TAF1: variants seen among roughly 807,000 people sequenced by gnomAD.
TAF1 encodes the protein transcription initiation factor TFIID subunit 1.
Under a neutral mutation model 138.5 loss-of-function variants are expected in TAF1, and 2 were observed. The ratio of observed to expected loss-of-function variants is 0.01; its 90% CI spans 0.01 to 0.05. TAF1 has a LOEUF of 0.05. Among genes scored for constraint, TAF1 ranks in the 10% least tolerant of loss-of-function variants. TAF1 has a pLI of 1.00. For missense variants in TAF1, 709 were observed against 1,478.0 expected (o/e 0.48, Z 8.53); for synonymous variants, 437 against 503.2 (o/e 0.87, Z 1.76).
At chrX:71,467,503 TATC>T (rs962299641), downstream of TAF1, among the ~76,000 whole-genome samples, 3 of 112,163 alleles carry the variant, frequency 2.7e-5, no homozygotes, top group African/African-American at 9.7e-5. Flanking sequence ...CATTCACTTT[TATC>T]ATCCCACTTC....
intron 22 of TAF1, among the ~76,000 whole-genome samples, chrX:71,395,461 C>T (rs981924133): frequency 2.7e-5 from 3 of 110,882 alleles, no homozygotes; most frequent in African/African-American, 6.6e-5. Context: ...GCTGAGATTG[C>T]GCCACTGCAT....
At chrX:71,383,518 C>CA (rs1367484553) in intron 12 of TAF1, among the ~76,000 whole-genome samples, 2 of 112,084 alleles carry the variant, frequency 1.8e-5, no homozygotes, top group Non-Finnish European at 3.8e-5. Flanking sequence ...CTCTGGATAC[C>CA]AAAATCTTTA....
intron 14 of TAF1, chrX:71,529,704 T>C: frequency 3.0e-6 from 1 of 332,151 alleles, no homozygotes; most frequent in Non-Finnish European, 5.9e-6. Flanking sequence ...CTTTGTTCTT[T>C]GTATGCAGCT....
intron 32 of TAF1, among the ~76,000 whole-genome samples, chrX:71,432,423 T>TGGAAAAG (rs1393544161): frequency 9.0e-6 from 1 of 111,170 alleles, no homozygotes; most frequent in Non-Finnish European, 1.9e-5. Context: ...TGTGGGAAAT[T>TGGAAAAG]GGAAAAGGAG....
intron 13 of TAF1, among the ~76,000 whole-genome samples, chrX:71,475,221 C>T (rs1024954821): frequency 1.8e-5 from 2 of 111,128 alleles, no homozygotes; most frequent in South Asian, 7.6e-4. Flanking sequence ...TGTAAAGTTA[C>T]GGAGATGAGA....
intron 32 of TAF1, among the ~76,000 whole-genome samples, chrX:71,453,364 G>T (rs2038131189): frequency 9.4e-6 from 1 of 106,221 alleles, no homozygotes; most frequent in South Asian, 4.4e-4. Context: ...TTCAAGACCA[G>T]CCTGTGCAAC....
chrX:71,523,180 CAAAAAAAAAAAAAAAA>C (rs754302629), intron 13 of TAF1, among the ~76,000 whole-genome samples: 11 of 15,374 alleles, frequency 7.2e-4, no homozygotes, highest in Non-Finnish European at 1.3e-3. Context: ...GACTCCCTCT[CAAAAAAAAAAAAAAAA>C]AAAAAAAAAA....
At chrX:71,530,344 G>C (rs1015112160) in exon 15 of TAF1, 3 of 111,734 alleles carry the variant, frequency 2.7e-5, no homozygotes, top group Non-Finnish European at 3.7e-5. Flanking sequence ...TTCTGGAGTT[G>C]GTTCCTTTTG....
intron 8 of TAF1, among the ~76,000 whole-genome samples, chrX:71,380,657 TAGAA>T (rs1448316415): frequency 1.8e-5 from 2 of 111,816 alleles, no homozygotes; most frequent in Non-Finnish European, 3.8e-5. Flanking sequence ...TATATAAACA[TAGAA>T]AGCTGGATTA....
At chrX:71,377,582 G>A (rs773028800) in intron 5 of TAF1, 21 bp from the exon 6 acceptor site, 48 of 1,202,542 alleles carry the variant, frequency 4.0e-5, no homozygotes, top group Admixed American at 1.8e-4. Flanking sequence ...CTGTGTCATA[G>A]TAATGTATTC....
intron 13 of TAF1, among the ~76,000 whole-genome samples, chrX:71,513,762 T>G (rs971104085): frequency 9.0e-6 from 1 of 111,348 alleles, no homozygotes; most frequent in African/African-American, 3.3e-5. Context: ...GGTGCATGCC[T>G]GTGAGAGGTG....
chrX:71,457,224 A>G (rs907135710), intron 34 of TAF1, among the ~76,000 whole-genome samples: 1 of 112,512 alleles, frequency 8.9e-6, no homozygotes, highest in Admixed American at 9.4e-5. Context: ...TTTAAAAAAC[A>G]CAATGTAACA....
intron 13 of TAF1, among the ~76,000 whole-genome samples, chrX:71,481,506 C>T (rs2039071552): frequency 8.9e-6 from 1 of 111,905 alleles, no homozygotes; most frequent in African/African-American, 3.2e-5. Context: ...TTGATGGAAA[C>T]TATATGTCAT....
At chrX:71,480,851 G>A (rs1271720219) in intron 13 of TAF1, among the ~76,000 whole-genome samples, 1 of 112,023 alleles carries the variant, frequency 8.9e-6, no homozygotes. Context: ...TGGCTATCTG[G>A]GGGAAGATCA....
chrX:71,366,907 C>G (rs753124765), intron 1 of TAF1, among the ~76,000 whole-genome samples: 2 of 111,759 alleles, frequency 1.8e-5, no homozygotes, highest in African/African-American at 6.5e-5. Flanking sequence ...GCCTCCCGCT[C>G]GTTTGGTTCC....
chrX:71,476,254 C>G (rs1194650826), intron 13 of TAF1, among the ~76,000 whole-genome samples: 1 of 111,134 alleles, frequency 9.0e-6, no homozygotes, highest in African/African-American at 3.3e-5. Flanking sequence ...CAAAATGATT[C>G]GACACTTTAT....
At chrX:71,460,880 C>T in intron 37 of TAF1, 77 bp downstream of exon 37, 1 of 1,138,707 alleles carries the variant, frequency 8.8e-7, no homozygotes, top group Non-Finnish European at 1.2e-6. Flanking sequence ...CATCAGATTA[C>T]TTTTCATCCA....
At chrX:71,373,056 C>CG (rs1207422874) in intron 3 of TAF1, among the ~76,000 whole-genome samples, 2 of 109,459 alleles carry the variant, frequency 1.8e-5, no homozygotes, top group African/African-American at 6.7e-5. Flanking sequence ...TTAGTAGAGA[C>CG]GGGGTTTCAC....
downstream of TAF1, among the ~76,000 whole-genome samples, chrX:71,469,361 A>G (rs895010654): frequency 9.0e-6 from 1 of 111,428 alleles, no homozygotes; most frequent in Non-Finnish European, 1.9e-5. Context: ...AAAATTAAGT[A>G]TGACCACTTT....
Sources: gnomAD v4.1 joint callset for allele counts (sites outside exome capture counted in the v4.1 genomes callset) on GRCh38, gnomAD v4.1.1 for gene constraint, MANE v1.5 for transcripts, NCBI Gene and HGNC (gene_info 2026-07-23, HGNC 2026-07-21) for gene names.